The following NUP58 variants were observed in gnomAD, a reference collection of about 807,000 sequenced individuals.
The protein encoded by NUP58 is nucleoporin p58/p45.
In NUP58, 17 loss-of-function variants were observed where a neutral mutation model predicts 70.1. The ratio of observed to expected loss-of-function variants is 0.24; its 90% CI spans 0.17 to 0.36. NUP58 has a LOEUF of 0.36. NUP58 is among the 10% of genes least tolerant of loss of function. The probability of loss-of-function intolerance (pLI) is 1.00; values close to 1 mark genes in which losing one functional copy is unlikely to be tolerated. For missense variants in NUP58, 644 were observed against 701.5 expected (o/e 0.92, Z 0.93); for synonymous variants, 275 against 257.6 (o/e 1.07, Z -0.65).
intron 3 of NUP58, chr13:25,349,546 G>A (rs760952908): frequency 1.3e-5 from 2 of 152,584 alleles, no homozygotes; most frequent in Admixed American, 6.5e-5. Flanking sequence ...CAGTCTAAAC[G>A]ATTTTTCTCT....
intron 2 of NUP58, 93 bp from the exon 3 acceptor site, chr13:25,309,154 G>A: frequency 1.1e-6 from 1 of 897,120 alleles, no homozygotes. Context: ...GTCACTCCCT[G>A]AGGGTGATTT....
chr13:25,332,423 C>T (rs1593197743), intron 13 of NUP58: 2 of 984,442 alleles, frequency 2.0e-6, no homozygotes, highest in Non-Finnish European at 2.4e-6. Flanking sequence ...TAGTCTTAAT[C>T]GATATTGATT....
intron 13 of NUP58, chr13:25,335,198 G>T (rs1381667152): frequency 1.0e-6 from 1 of 985,048 alleles, no homozygotes; most frequent in Non-Finnish European, 1.2e-6. Flanking sequence ...ATGTGCAATG[G>T]AAAGTCTTGT....
Position 25,301,778 on chromosome 13 carries a change from C to T in NUP58, c.5C>T (p.Ser2Phe), listed in dbSNP as rs1237702889. M[S>F]TGFSFGSGTL... is the part of the protein sequence containing the mutation. ...GGCGTCGAGCCCTGGCCAGACATGT[C>T]CACAGGGTTCTCCTTCGGGTCCGGG... The change falls in exon 1 of 16, where the codon TCC becomes TTC. Residue 2 changes from serine to phenylalanine, a missense_variant. Transcript: ENST00000381736. The T allele has an allele frequency of 1.1e-5, 17 of 1,611,756 alleles. No individual in the cohort carries two copies. Among genetic ancestry groups the T allele is most frequent in the Non-Finnish European group, 1.4e-5 (17 of 1,178,604 alleles).
At position 25,341,589 on chromosome 13, in the gene NUP58, A is replaced by G. The variant is rs1472347709; in HGVS notation, c.*1455A>G. The G allele has an allele frequency of 6.6e-6, 1 of 152,618 alleles. No homozygotes were observed. Among genetic ancestry groups the G allele is most frequent in the Non-Finnish European group, 1.5e-5 (1 of 68,026 alleles). 9.5% of individuals were successfully genotyped at this position (152,618 alleles called of 1,614,324 possible). ...AGCAACTGTAAATTCTCCCATTATA[A>G]CAGTGAACAGAGCTCCAGGTAATAA... On this transcript the variant is annotated 3_prime_UTR_variant, in exon 16 of 16. Coordinates refer to ENST00000381736, the MANE Select transcript of NUP58 (RefSeq NM_014089.4).
At position 25,331,434 on chromosome 13, in the gene NUP58, A is replaced by G. The variant is rs374154021; in HGVS notation, c.1311A>G (p.Ala437=). ...DAVDVFETRR[A]EAKKWQNTPR... is the part of the protein sequence containing the mutation. Reference sequence around the variant, plus strand: ...TTGATGTGTTTGAAACAAGGCGAGCAGAAGCCAAGAAGTGGCAGAACACAC... The same window carrying G: ...TTGATGTGTTTGAAACAAGGCGAGCGGAAGCCAAGAAGTGGCAGAACACAC... Residue 437 remains alanine, a synonymous_variant, in exon 13 of 16, where the codon GCA becomes GCG. Coordinates refer to ENST00000381736, the MANE Select transcript of NUP58 (RefSeq NM_014089.4). The G allele has an allele frequency of 2.5e-6, 4 of 1,614,084 alleles. No homozygotes were observed. The African/African-American group carries it at 4.0e-5, about 16-fold the overall frequency.
At chr13:25,338,868 A>G (rs2031870592) in intron 15 of NUP58, 137 bp downstream of exon 15, 1 of 579,156 alleles carries the variant, frequency 1.7e-6, no homozygotes, top group African/African-American at 1.9e-5. Context: ...GAAGTGTGCA[A>G]GCCTAACTAA....
chr13:25,349,080 T>C lies in NUP58; in HGVS notation n.322-482T>C, dbSNP rs78240524. On this transcript the variant is annotated intron_variant and non_coding_transcript_variant, in intron 3 of 3. Transcript: ENST00000477876. ...CCCCGACAAAGTTAGTTTGTACCTC[T>C]TCACTCTGGTTAATACAGGCTTCCA... 1.0e-3 allele frequency among the ~76,000 whole-genome samples: 154 copies of C among 152,324 alleles called. 1 individual carries two copies. The highest frequency in any genetic ancestry group is 3.6e-3 in the African/African-American group (151 of 41,584).
intron 14 of NUP58, 38 bp downstream of exon 14, chr13:25,337,072 A>AG: frequency 1.4e-6 from 2 of 1,403,062 alleles, no homozygotes; most frequent in Non-Finnish European, 9.8e-7. Flanking sequence ...TTGAACTATT[A>AG]TATATTTGAA....
Position 25,321,099 on chromosome 13 carries a change from C to T in NUP58, c.951+6C>T, listed in dbSNP as rs1423118730. On this transcript the variant is annotated splice_donor_region_variant and intron_variant, in intron 9 of 15. Transcript: ENST00000381736. ...TGAAAATAGAAACTGCTCAGGTATA[C>T]CAACTTATGGCCATTTTACCGTAGG... is the stretch of plus-strand genomic sequence containing the variant. 6 of 1,572,080 alleles carry T rather than the reference C, an allele frequency of 3.8e-6. No homozygotes were observed. In the African/African-American group the frequency reaches 4.2e-5, roughly 11 times the overall value.
chr13:25,331,786 T>C, intron 13 of NUP58: 3 of 1,362,638 alleles, frequency 2.2e-6, no homozygotes, highest in Non-Finnish European at 2.8e-6. Flanking sequence ...GTGAATCTAC[T>C]TAATGTTATT....
chr13:25,331,879 A>G, intron 13 of NUP58: 1 of 1,129,930 alleles, frequency 8.9e-7, no homozygotes, highest in Admixed American at 4.4e-5. Flanking sequence ...TTCTGAAATC[A>G]TGACTGTACC....
chr13:25,303,032 A>C (rs1288504230), intron 1 of NUP58: 4 of 456,216 alleles, frequency 8.8e-6, no homozygotes, highest in Non-Finnish European at 1.8e-5. Context: ...TGCTCTCTTG[A>C]TCCTTACATT....
intron 2 of NUP58, 23 bp downstream of exon 2, chr13:25,307,971 G>C (rs1379489191): frequency 6.2e-7 from 1 of 1,611,744 alleles, no homozygotes; most frequent in East Asian, 2.2e-5. Flanking sequence ...TGATCACATT[G>C]TCAGAGAGTA....
At position 25,301,874 on chromosome 13, in the gene NUP58, C is replaced by T. The variant is rs757729526; in HGVS notation, c.101C>T (p.Ala34Val). The change falls in exon 1 of 16, where the codon GCG becomes GTG. Residue 34 changes from alanine to valine, a missense_variant. Ala to Val is a moderately conservative substitution (Grantham distance 64). This residue lies in a region of NUP58 where 430 missense variants were observed against 409.2 expected (regional missense o/e 1.05). Coordinates refer to ENST00000381736, the MANE Select transcript of NUP58 (RefSeq NM_014089.4). Reference sequence around the variant, plus strand: ...GGCGTTTTCTCCTTCGGAACGGGAGCGTCTAGGTAACCGCACTTTCTCGCC... The same window carrying T: ...GGCGTTTTCTCCTTCGGAACGGGAGTGTCTAGGTAACCGCACTTTCTCGCC... ...TGGVFSFGTGASSNPSVGLNF... is the reference protein window; with the variant it reads ...TGGVFSFGTGVSSNPSVGLNF... The T allele has an allele frequency of 6.2e-7, 1 of 1,608,890 alleles. No homozygotes were observed. Among genetic ancestry groups the T allele is most frequent in the Non-Finnish European group, 8.5e-7 (1 of 1,176,428 alleles).
At chr13:25,302,369 A>C (rs1368848550) in intron 1 of NUP58, among the ~76,000 whole-genome samples, 1 of 152,238 alleles carries the variant, frequency 6.6e-6, no homozygotes, top group African/African-American at 2.4e-5. Context: ...CTTTTGTGCC[A>C]CATGGGACCT....
In NUP58 at chr13:25,304,336, G is replaced by A. The variant is rs112383868; in HGVS notation, c.107+2456G>A. Among the ~76,000 whole-genome samples, 748 of 151,574 alleles carry A rather than the reference G, an allele frequency of 4.9e-3. 4 individuals are homozygous for A. The highest frequency in any genetic ancestry group is 0.017 in the African/African-American group (700 of 41,288). ...GTTTAGGGTAGCTTTTGCTTTTCTT[G>A]AATTTAGTAAATTTCACTGCCACCA... is the stretch of plus-strand genomic sequence containing the variant. On this transcript the variant is annotated intron_variant, in intron 1 of 15. Coordinates refer to ENST00000381736, the MANE Select transcript of NUP58 (RefSeq NM_014089.4).
At chr13:25,304,478 T>TATATATATATA (rs1433159616) in intron 1 of NUP58, among the ~76,000 whole-genome samples, 2 of 83,408 alleles carry the variant, frequency 2.4e-5, no homozygotes, top group Non-Finnish European at 4.3e-5. Flanking sequence ...GTTGTCAAGA[T>TATATATATATA]TATATATATA....
In NUP58 at chr13:25,312,983, C is replaced by T. The variant is rs1404086418; in HGVS notation, c.387C>T (p.Thr129=). 1.2e-6 allele frequency: 2 copies of T among 1,614,182 alleles called. No individual in the cohort carries two copies. Among genetic ancestry groups the T allele is most frequent in the East Asian group, 2.2e-5 (1 of 44,886 alleles). ...CATTTGCTCTACCTATTACCTCTAC[C>T]TCAGCTAGCGGTCTGACTCTTTCGT... ...ATPFALPITS[T]SASGLTLSSA... Residue 129 remains threonine (T), a synonymous_variant, in exon 4 of 16, where the codon ACC becomes ACT. Coordinates refer to ENST00000381736, the MANE Select transcript of NUP58 (RefSeq NM_014089.4).
Sources: gnomAD v4.1 joint callset for allele counts (sites outside exome capture counted in the v4.1 genomes callset) on GRCh38, gnomAD v4.1.1 for gene constraint, gnomAD v4.1.1 regional missense constraint, MANE v1.5 for transcripts, NCBI Gene and HGNC (gene_info 2026-07-23, HGNC 2026-07-21) for gene names.